NTF3: variants seen among roughly 807,000 people sequenced by gnomAD.
NTF3 encodes neurotrophin-3.
Under a neutral mutation model 26.3 loss-of-function variants are expected in NTF3, and 8 were observed. That is an observed-to-expected ratio of 0.30 (90% confidence interval 0.18 to 0.55). The LOEUF is 0.55. Among genes scored for constraint, NTF3 ranks in the 20% least tolerant of loss-of-function variants. The probability of loss-of-function intolerance (pLI) is 0.93; values close to 1 mark genes in which losing one functional copy is unlikely to be tolerated. For missense variants in NTF3, 276 were observed against 352.9 expected (o/e 0.78, Z 1.75); for synonymous variants, 154 against 145.5 (o/e 1.06, Z -0.42).
chr12:5,483,153 C>T (rs1257857347), intron 1 of NTF3, among the ~76,000 whole-genome samples: 2 of 152,026 alleles, frequency 1.3e-5, no homozygotes, highest in East Asian at 3.9e-4. Flanking sequence ...CTCTCTCTGT[C>T]TCTGTATCTC....
Position 5,493,234 on chromosome 12 carries a change from C to T in NTF3, c.19-960C>T, listed in dbSNP as rs75997351. On this transcript the variant is annotated intron_variant, in intron 1 of 1. Transcript: ENST00000423158. ...ATTCCACCAGGACGCCACCGGAGTC[C>T]GGTGTTAAGCTTCTACTATGGCAAC... Among the ~76,000 whole-genome samples the T allele has an allele frequency of 6.5e-3, 995 of 152,240 alleles. 8 individuals carry two copies. Among genetic ancestry groups the T allele is most frequent in the African/African-American group, 0.022 (925 of 41,530 alleles).
At chr12:5,486,446 A>G (rs905029377) in intron 1 of NTF3, among the ~76,000 whole-genome samples, 4 of 152,184 alleles carry the variant, frequency 2.6e-5, no homozygotes, top group African/African-American at 9.7e-5. Flanking sequence ...TAAGATAAAT[A>G]CTTTCATCAT....
chr12:5,466,477 C>T (rs954557321), intron 1 of NTF3, among the ~76,000 whole-genome samples: 1 of 152,182 alleles, frequency 6.6e-6, no homozygotes, highest in Non-Finnish European at 1.5e-5. Flanking sequence ...GTTCTTGTTC[C>T]CTCATAATTC....
At chr12:5,434,926 G>C (rs1050588498) in intron 1 of NTF3, among the ~76,000 whole-genome samples, 1 of 152,032 alleles carries the variant, frequency 6.6e-6, no homozygotes, top group Non-Finnish European at 1.5e-5. Context: ...GGCATGTAGG[G>C]GGTAGAAAAG....
chr12:5,471,694 C>A lies in NTF3; in HGVS notation c.19-22500C>A, dbSNP rs77036570. On this transcript the variant is annotated intron_variant, in intron 1 of 1. Coordinates refer to ENST00000423158, the MANE Select transcript of NTF3 (RefSeq NM_001102654.2). ...GATGTTTGTATAGAGGGGAAGACTT[C>A]TGGACAGTGGCTTGACTTTGCTCAC... Among the ~76,000 whole-genome samples the A allele has an allele frequency of 2.8e-3, 430 of 152,120 alleles. 1 individual carries two copies. Among genetic ancestry groups the A allele is most frequent in the African/African-American group, 9.9e-3 (411 of 41,554 alleles).
Position 5,432,159 on chromosome 12 carries a change from C to T in NTF3, c.-166C>T, listed in dbSNP as rs1940099614. On this transcript the variant is annotated 5_prime_UTR_variant, in exon 1 of 2. Coordinates refer to ENST00000423158, the MANE Select transcript of NTF3 (RefSeq NM_001102654.2). Reference sequence around the variant, plus strand: ...CCGAACAGCTCCGCGCACCGCCCCGCGACGCAGCCCGGCGCAACTACTTTC... The same window carrying T: ...CCGAACAGCTCCGCGCACCGCCCCGTGACGCAGCCCGGCGCAACTACTTTC... The T allele has an allele frequency of 2.6e-6, 2 of 777,886 alleles. No individual in the cohort carries two copies. Among genetic ancestry groups the T allele is most frequent in the Non-Finnish European group, 4.4e-6 (2 of 455,834 alleles). The allele number at this position is 777,886 out of a possible 1,614,324, so 48.2% of individuals were successfully genotyped here. A position where few individuals can be genotyped will look rare whatever the true frequency, so the allele number is the denominator to read the frequency against.
At chr12:5,490,504 C>G (rs1490422444) in intron 1 of NTF3, among the ~76,000 whole-genome samples, 1 of 152,242 alleles carries the variant, frequency 6.6e-6, no homozygotes. Context: ...GAACTCGCTG[C>G]TGTGCCTTGC....
At chr12:5,475,121 G>C (rs1446935964) in intron 1 of NTF3, among the ~76,000 whole-genome samples, 2 of 152,222 alleles carry the variant, frequency 1.3e-5, no homozygotes, top group African/African-American at 4.8e-5. Context: ...CACATCAGCA[G>C]GGTTGATGAG....
At chr12:5,482,719 CTG>C (rs1214378793) in intron 1 of NTF3, among the ~76,000 whole-genome samples, 1 of 151,962 alleles carries the variant, frequency 6.6e-6, no homozygotes, top group African/African-American at 2.4e-5. Flanking sequence ...TCCCCACTCA[CTG>C]TCTCTCTGTC....
chr12:5,487,903 C>A lies in NTF3; in HGVS notation c.19-6291C>A, dbSNP rs1940886805. Among the ~76,000 whole-genome samples, 2 of 152,154 alleles carry A rather than the reference C, an allele frequency of 1.3e-5. 1 individual carries two copies. The highest frequency in any genetic ancestry group is 4.1e-4 in the South Asian group (2 of 4,826). On this transcript the variant is annotated intron_variant, in intron 1 of 1. Transcript: ENST00000423158. ...ACTGACTGCTTCTAGTTTTCCGTGA[C>A]TTTAGAGCATGTGCGTCAGCAGGTT... is the stretch of plus-strand genomic sequence containing the variant.
chr12:5,488,899 TG>T (rs1310099518), intron 1 of NTF3, among the ~76,000 whole-genome samples: 12 of 152,336 alleles, frequency 7.9e-5, no homozygotes, highest in Admixed American at 7.8e-4. Context: ...CCAGAAATAA[TG>T]AAATCTCTTG....
At chr12:5,470,483 G>C (rs937415872) in intron 1 of NTF3, among the ~76,000 whole-genome samples, 12 of 152,194 alleles carry the variant, frequency 7.9e-5, no homozygotes, top group African/African-American at 2.9e-4. Context: ...AGGCAGAAGG[G>C]GACATCCGTG....
intron 1 of NTF3, among the ~76,000 whole-genome samples, chr12:5,442,740 C>T (rs1940254523): frequency 6.6e-6 from 1 of 152,072 alleles, no homozygotes; most frequent in Non-Finnish European, 1.5e-5. Flanking sequence ...AGGGAGCCTT[C>T]AAAAAACATA....
At chr12:5,486,047 A>G (rs1409303011) in intron 1 of NTF3, among the ~76,000 whole-genome samples, 1 of 152,200 alleles carries the variant, frequency 6.6e-6, no homozygotes, top group African/African-American at 2.4e-5. Context: ...GCCAATCAAT[A>G]TAGCCGCAGA....
intron 1 of NTF3, among the ~76,000 whole-genome samples, chr12:5,450,057 G>A (rs1940353966): frequency 6.6e-6 from 1 of 152,114 alleles, no homozygotes; most frequent in African/African-American, 2.4e-5. Context: ...TTGCATTCTG[G>A]GGTTTGTCCC....
At position 5,494,803 on chromosome 12, in the gene NTF3, G is replaced by A. The variant is rs1368913522; in HGVS notation, c.628G>A (p.Glu210Lys). 6.2e-7 allele frequency: 1 copy of A among 1,614,134 alleles called. No homozygotes were observed. The highest frequency in any genetic ancestry group is 8.5e-7 in the Non-Finnish European group (1 of 1,180,038). ...ATATTTTTATGAAACGCGATGTAAG[G>A]AAGCCAGGCCGGTCAAAAACGGTTG... The part of the protein sequence containing the change: ...KQYFYETRCK[E>K]ARPVKNGCRG... Residue 210 changes from glutamate (E) to lysine (K), a missense_variant, in exon 2 of 2, where the codon GAA becomes AAA. This residue lies in a region of NTF3 where 52 missense variants were observed against 78.4 expected (regional missense o/e 0.66). Coordinates refer to ENST00000423158, the MANE Select transcript of NTF3 (RefSeq NM_001102654.2). This position sits in a 1 kb window ranked among gnomAD's most constrained non-coding sequence, Gnocchi z 8.3.
intron 1 of NTF3, among the ~76,000 whole-genome samples, chr12:5,486,477 A>T (rs546507945): frequency 6.6e-6 from 1 of 152,348 alleles, no homozygotes; most frequent in South Asian, 2.1e-4. Context: ...ATTATTAATT[A>T]TAATTATTGA....
chr12:5,488,979 G>A (rs1385789974), intron 1 of NTF3, among the ~76,000 whole-genome samples: 2 of 152,204 alleles, frequency 1.3e-5, no homozygotes, highest in East Asian at 1.9e-4. Flanking sequence ...TCCTCTCTGA[G>A]GAAAGCTAAA....
intron 1 of NTF3, among the ~76,000 whole-genome samples, chr12:5,473,275 C>T (rs1940687028): frequency 6.6e-6 from 1 of 152,200 alleles, no homozygotes; most frequent in Non-Finnish European, 1.5e-5. Flanking sequence ...TGTGCTAGGA[C>T]CGCATGAGGC....
Sources: allele counts gnomAD v4.1 joint callset (sites outside exome capture counted in the v4.1 genomes callset), GRCh38; gene constraint gnomAD v4.1.1; regional missense constraint gnomAD v4.1.1; non-coding constraint Gnocchi (gnomAD v3.1); transcripts MANE v1.5; gene names NCBI Gene and HGNC (gene_info 2026-07-23, HGNC 2026-07-21).